Variants in CDYL observed in about 807,000 individuals in gnomAD.
CDYL encodes chromodomain Y like.
CDYL carries 8 observed loss-of-function variants against 47.3 expected under a neutral mutation model. That is an observed-to-expected ratio of 0.17 (90% CI 0.10 to 0.31). The LOEUF is 0.31. Among genes scored for constraint, CDYL ranks in the 10% least tolerant of loss-of-function variants. The pLI is 1.00. For synonymous variants in CDYL, 266 were observed against 265.0 expected (o/e 1.00, Z -0.04); for missense variants, 471 against 701.4 (o/e 0.67, Z 3.71).
intron 1 of CDYL, among the ~76,000 whole-genome samples, chr6:4,810,840 A>T (rs558823171): frequency 6.6e-6 from 1 of 152,316 alleles, no homozygotes; most frequent in East Asian, 1.9e-4. Flanking sequence ...CCACTCTCCT[A>T]TGTATGAGAC....
chr6:4,850,180 A>G (rs1469187245), intron 1 of CDYL, among the ~76,000 whole-genome samples: 2 of 152,194 alleles, frequency 1.3e-5, no homozygotes, highest in Non-Finnish European at 2.9e-5. Context: ...CTTCACGCTA[A>G]TTGCCAGTAT....
intron 2 of CDYL, among the ~76,000 whole-genome samples, chr6:4,925,065 A>G (rs1757827072): frequency 6.6e-6 from 1 of 152,230 alleles, no homozygotes; most frequent in African/African-American, 2.4e-5. Context: ...GAAACCATGC[A>G]GAAAGTTGTA....
chr6:4,888,592 G>T (rs2127482119), intron 1 of CDYL, among the ~76,000 whole-genome samples: 1 of 152,182 alleles, frequency 6.6e-6, no homozygotes, highest in Non-Finnish European at 1.5e-5. Flanking sequence ...ACTTTTGGTT[G>T]TGTTGCTTTT....
chr6:4,710,565 G>C (rs1317984955), intron 1 of CDYL, among the ~76,000 whole-genome samples: 1 of 150,106 alleles, frequency 6.7e-6, no homozygotes, highest in African/African-American at 2.4e-5. Flanking sequence ...AACAGGGAGG[G>C]AGGGAGGGAG....
At chr6:4,732,244 A>T (rs1230882570) in intron 2 of CDYL, among the ~76,000 whole-genome samples, 1 of 152,144 alleles carries the variant, frequency 6.6e-6, no homozygotes, top group Admixed American at 6.5e-5. Flanking sequence ...CTGAGGCGGG[A>T]GGATTGCTTG....
intron 2 of CDYL, among the ~76,000 whole-genome samples, chr6:4,893,276 C>T (rs940609570): frequency 1.6e-4 from 24 of 152,244 alleles, no homozygotes; most frequent in Non-Finnish European, 3.4e-4. Flanking sequence ...TGGCGCTCCG[C>T]TGCCCTCTGG....
chr6:4,954,262 G>T lies in CDYL; in HGVS notation c.*206G>T, dbSNP rs1320207983. The T allele has an allele frequency of 2.1e-6, 1 of 480,892 alleles. No homozygotes were observed. Among genetic ancestry groups the T allele is most frequent in the African/African-American group, 1.9e-5 (1 of 51,848 alleles). 29.8% of individuals were successfully genotyped at this position (480,892 alleles called of 1,614,324 possible). A position where few individuals can be genotyped will look rare whatever the true frequency, so the allele number is the denominator to read the frequency against. ...AAATAAATAACTACAAAGCTTCTTT[G>T]TCCAAACGTCATTATTTTATACTTA... On this transcript the variant is annotated 3_prime_UTR_variant, in exon 7 of 7. Transcript: ENST00000397588.
At chr6:4,727,606 A>G (rs1427696495) in intron 2 of CDYL, among the ~76,000 whole-genome samples, 1 of 9,674 alleles carries the variant, frequency 1.0e-4, no homozygotes, top group Non-Finnish European at 2.3e-4. Flanking sequence ...CCCTCCCTCC[A>G]CCAAATGAAA....
At chr6:4,783,315 A>G (rs1305632658) in intron 1 of CDYL, among the ~76,000 whole-genome samples, 1 of 151,688 alleles carries the variant, frequency 6.6e-6, no homozygotes, top group Non-Finnish European at 1.5e-5. Flanking sequence ...TTGAAAGAGA[A>G]TAGTATTTCA....
chr6:4,768,157 C>G (rs1306140164), intron 3 of CDYL, among the ~76,000 whole-genome samples: 1 of 152,172 alleles, frequency 6.6e-6, no homozygotes, highest in Admixed American at 6.5e-5. Context: ...CTTTCCTAAG[C>G]CTGGGACCAT....
intron 4 of CDYL, among the ~76,000 whole-genome samples, chr6:4,940,213 G>C (rs868326241): frequency 1.8e-4 from 27 of 152,340 alleles, no homozygotes; most frequent in African/African-American, 6.5e-4. Flanking sequence ...ATATTCTTGT[G>C]AAGAGCCAAG....
rs115761734 is a variant in CDYL at position 4,901,617 on chromosome 6, C to G, written c.691+9238C>G. 8.6e-3 allele frequency among the ~76,000 whole-genome samples: 1,312 copies of G among 152,292 alleles called. 26 individuals are homozygous for G. Among genetic ancestry groups the G allele is most frequent in the African/African-American group, 0.03 (1,263 of 41,560 alleles). On this transcript the variant is annotated intron_variant, in intron 2 of 6. Transcript: ENST00000397588. ...AGCAGAATTGGTGGGAAACTAGACT[C>G]TACGTTAGAACCTACTCCTGACTTC... is the stretch of plus-strand genomic sequence containing the variant.
intron 1 of CDYL, among the ~76,000 whole-genome samples, chr6:4,805,026 A>G (rs11961156): frequency 0.023 from 3,444 of 152,324 alleles, 137 homozygotes; most frequent in African/African-American, 0.079. Context: ...AGTTTGAATC[A>G]GATTTCTAAA....
chr6:4,846,502 C>G (rs1166627875), intron 1 of CDYL, among the ~76,000 whole-genome samples: 1 of 152,022 alleles, frequency 6.6e-6, no homozygotes, highest in Non-Finnish European at 1.5e-5. Flanking sequence ...TAATTGCTTC[C>G]CATGTGATGC....
intron 1 of CDYL, among the ~76,000 whole-genome samples, chr6:4,880,822 G>A (rs1320691376): frequency 6.6e-6 from 1 of 152,204 alleles, no homozygotes; most frequent in Non-Finnish European, 1.5e-5. Flanking sequence ...CCATCAGTAT[G>A]TCATCTTTGG....
At chr6:4,783,875 C>T (rs1181518803) in intron 1 of CDYL, among the ~76,000 whole-genome samples, 1 of 152,114 alleles carries the variant, frequency 6.6e-6, no homozygotes, top group African/African-American at 2.4e-5. Flanking sequence ...ATATGTTGTG[C>T]TGCTTTTTGG....
chr6:4,770,916 A>C (rs1323324038), intron 3 of CDYL, among the ~76,000 whole-genome samples: 1 of 152,226 alleles, frequency 6.6e-6, no homozygotes, highest in Non-Finnish European at 1.5e-5. Flanking sequence ...AAATGTAAGA[A>C]ATACATTTTA....
intron 2 of CDYL, among the ~76,000 whole-genome samples, chr6:4,919,738 A>G (rs1329160828): frequency 6.6e-6 from 1 of 152,212 alleles, no homozygotes; most frequent in East Asian, 1.9e-4. Flanking sequence ...CCATGATTTT[A>G]ATCTTTTCCA....
chr6:4,715,700 T>C (rs143201543), intron 1 of CDYL: 4 of 1,573,340 alleles, frequency 2.5e-6, no homozygotes, highest in Admixed American at 1.9e-5. Context: ...TTTTTTCCCA[T>C]GTACTGTAGT....
Sources: allele counts gnomAD v4.1 joint callset (sites outside exome capture counted in the v4.1 genomes callset), GRCh38; gene constraint gnomAD v4.1.1; transcripts MANE v1.5; gene names NCBI Gene and HGNC (gene_info 2026-07-23, HGNC 2026-07-21).